The following SLC28A3 variants were observed in gnomAD, a reference collection of about 807,000 sequenced individuals.
SLC28A3 encodes concentrative Na(+)-nucleoside cotransporter 3.
Under a neutral mutation model 84.2 loss-of-function variants are expected in SLC28A3, and 68 were observed. The observed-to-expected ratio is 0.81, with a 90% CI of 0.66 to 0.99. The LOEUF (loss-of-function observed/expected upper bound fraction) is 0.99, where lower values mean the gene tolerates loss of function less well. SLC28A3 is among the 50% of genes least tolerant of loss of function. SLC28A3 has a pLI of 0.00. For missense variants in SLC28A3, 712 were observed against 841.5 expected (o/e 0.85, Z 1.90); for synonymous variants, 267 against 303.6 (o/e 0.88, Z 1.25).
At chr9:84,294,087 T>C in intron 9 of SLC28A3, 108 bp downstream of exon 9, 1 of 918,652 alleles carries the variant, frequency 1.1e-6, no homozygotes, top group South Asian at 1.9e-5. Context: ...TGGATAATGG[T>C]AGGAAGAGAA....
chr9:84,323,957 C>G (rs1047423873), intron 1 of SLC28A3, among the ~76,000 whole-genome samples: 1 of 152,212 alleles, frequency 6.6e-6, no homozygotes, highest in Non-Finnish European at 1.5e-5. Flanking sequence ...AGCTACCTCT[C>G]CTACCCACTG....
In SLC28A3 at chr9:84,297,152, T is replaced by C. The variant is rs111908714; in HGVS notation, c.861+69A>G. ...CTGGTTTTTGGTCAGTTAAGTTCTATCTGAACATCTACAAAGACAGAAGCC... is the reference window on the plus strand; with the variant it reads ...CTGGTTTTTGGTCAGTTAAGTTCTACCTGAACATCTACAAAGACAGAAGCC... On this transcript the variant is annotated intron_variant, in intron 8 of 17. Transcript: ENST00000376238. 154 of 1,385,484 alleles carry C rather than the reference T, an allele frequency of 1.1e-4. 6 individuals are homozygous for C. In the African/African-American group the frequency reaches 1.7e-3, roughly 15 times the overall value. 85.8% of individuals were successfully genotyped at this position (1,385,484 alleles called of 1,614,324 possible). A position where few individuals can be genotyped will look rare whatever the true frequency, so the allele number is the denominator to read the frequency against.
intron 1 of SLC28A3, among the ~76,000 whole-genome samples, chr9:84,315,157 A>G (rs1230486733): frequency 6.6e-6 from 1 of 152,208 alleles, no homozygotes; most frequent in Non-Finnish European, 1.5e-5. Context: ...CTAATTGCTG[A>G]AGTTGGCTGA....
At chr9:84,336,268 G>A (rs373545150) in intron 1 of SLC28A3, among the ~76,000 whole-genome samples, 19 of 152,228 alleles carry the variant, frequency 1.2e-4, no homozygotes, top group African/African-American at 3.9e-4. Flanking sequence ...TTGGGAGGCT[G>A]AGGCAGGCGG....
At chr9:84,290,451 G>A (rs912172171) in intron 10 of SLC28A3, among the ~76,000 whole-genome samples, 172 bp from the exon 11 acceptor site, 8 of 152,024 alleles carry the variant, frequency 5.3e-5, no homozygotes, top group African/African-American at 1.9e-4. Context: ...AAATTATTTC[G>A]ATTTACTAAA....
At chr9:84,330,834 A>G (rs1401251067) in intron 1 of SLC28A3, among the ~76,000 whole-genome samples, 1 of 152,190 alleles carries the variant, frequency 6.6e-6, no homozygotes, top group Non-Finnish European at 1.5e-5. Flanking sequence ...GAAGAGTTAT[A>G]CCTACTTTAT....
the SLC28A3 span, among the ~76,000 whole-genome samples, chr9:84,362,165 C>A: frequency 2.6e-5 from 4 of 152,080 alleles, no homozygotes; most frequent in East Asian, 5.8e-4. Context: ...TAACTTGGAT[C>A]TAGAGTTCGA....
chr9:84,368,093 G>A, the SLC28A3 span, among the ~76,000 whole-genome samples: 1 of 152,108 alleles, frequency 6.6e-6, no homozygotes, highest in Non-Finnish European at 1.5e-5. Context: ...TCAGTGGGGG[G>A]AAACCTTGGA....
chr9:84,309,348 C>T (rs1344856222), intron 3 of SLC28A3, among the ~76,000 whole-genome samples: 3 of 151,662 alleles, frequency 2.0e-5, no homozygotes, highest in Non-Finnish European at 4.4e-5. Flanking sequence ...CATGGTGAAA[C>T]CCAGCCTCTA....
chr9:84,338,969 T>C (rs1827069950), intron 1 of SLC28A3, among the ~76,000 whole-genome samples: 1 of 152,124 alleles, frequency 6.6e-6, no homozygotes, highest in African/African-American at 2.4e-5. Context: ...TGCACAGGTG[T>C]CCCGCTTGCT....
At position 84,296,191 on chromosome 9, in the gene SLC28A3, A is replaced by G. The variant is rs570762840; in HGVS notation, c.861+1030T>C. Among the ~76,000 whole-genome samples, 7 of 152,306 alleles carry G rather than the reference A, an allele frequency of 4.6e-5. No homozygotes were observed. The South Asian group carries it at 1.2e-3, about 27-fold the overall frequency. On this transcript the variant is annotated intron_variant, in intron 8 of 17. Coordinates refer to ENST00000376238, the MANE Select transcript of SLC28A3 (RefSeq NM_001199633.2). Reference sequence around the variant, plus strand: ...TATATTTCTATCTCACTCTATAAACATTTGGCCTTTCAGAGATGGCTGAGT... The same window carrying G: ...TATATTTCTATCTCACTCTATAAACGTTTGGCCTTTCAGAGATGGCTGAGT...
chr9:84,323,775 T>C (rs1382337759), intron 1 of SLC28A3, among the ~76,000 whole-genome samples: 1 of 151,802 alleles, frequency 6.6e-6, no homozygotes, highest in East Asian at 1.9e-4. Context: ...ACACCCCTCA[T>C]CTATCACCCT....
At chr9:84,365,922 T>C in the SLC28A3 span, among the ~76,000 whole-genome samples, 1 of 152,076 alleles carries the variant, frequency 6.6e-6, no homozygotes. Flanking sequence ...TGGTGGCACA[T>C]GCCTGTAATC....
At chr9:84,308,821 G>A (rs1825886131) in intron 3 of SLC28A3, among the ~76,000 whole-genome samples, 1 of 152,106 alleles carries the variant, frequency 6.6e-6, no homozygotes, top group Non-Finnish European at 1.5e-5. Flanking sequence ...ACTTCTCTGA[G>A]GTTCATTTTT....
upstream of SLC28A3, among the ~76,000 whole-genome samples, chr9:84,345,212 G>A (rs760898270): frequency 1.3e-5 from 2 of 149,198 alleles, no homozygotes; most frequent in Non-Finnish European, 2.9e-5. Context: ...TGTGCCATAA[G>A]TAGTAGTCAT....
chr9:84,350,995 C>CG, the SLC28A3 span, among the ~76,000 whole-genome samples: 1 of 152,170 alleles, frequency 6.6e-6, no homozygotes, highest in Non-Finnish European at 1.5e-5. Context: ...GCATGAGCAA[C>CG]GGTGCCCAGT....
chr9:84,325,725 T>C (rs939455320), intron 1 of SLC28A3, among the ~76,000 whole-genome samples: 3 of 152,184 alleles, frequency 2.0e-5, no homozygotes, highest in African/African-American at 4.8e-5. Flanking sequence ...GATTGAGAAG[T>C]CTTCAGGTGC....
the SLC28A3 span, among the ~76,000 whole-genome samples, chr9:84,364,123 T>C: frequency 7.4e-6 from 1 of 134,508 alleles, no homozygotes; most frequent in African/African-American, 2.8e-5. Context: ...TTACACTCTT[T>C]TTTTTTTTTT....
the SLC28A3 span, among the ~76,000 whole-genome samples, chr9:84,354,162 C>G: frequency 2.6e-5 from 4 of 152,342 alleles, no homozygotes; most frequent in African/African-American, 7.2e-5. Context: ...TTTGGACTGG[C>G]CCCTGGACTG....
Sources: gnomAD v4.1 joint callset for allele counts (sites outside exome capture counted in the v4.1 genomes callset) on GRCh38, gnomAD v4.1.1 for gene constraint, MANE v1.5 for transcripts, NCBI Gene and HGNC (gene_info 2026-07-23, HGNC 2026-07-21) for gene names.